QTMAN: variants seen among roughly 807,000 people sequenced by gnomAD.
QTMAN encodes the protein queuosine-tRNA mannosyltransferase.
the QTMAN span, among the ~76,000 whole-genome samples, chr2:144,078,401 G>C: frequency 2.6e-5 from 4 of 152,196 alleles, no homozygotes; most frequent in African/African-American, 7.2e-5. Flanking sequence ...GTTACAAAGG[G>C]AGAGACACAC....
At chr2:144,059,477 TTAAA>T in the QTMAN span, among the ~76,000 whole-genome samples, 1 of 152,168 alleles carries the variant, frequency 6.6e-6, no homozygotes, top group South Asian at 2.1e-4. Flanking sequence ...TAAATATCTG[TTAAA>T]TAAAGGATGA....
chr2:144,284,293 T>G, the QTMAN span, among the ~76,000 whole-genome samples: 6 of 152,182 alleles, frequency 3.9e-5, no homozygotes, highest in African/African-American at 1.4e-4. Flanking sequence ...AATATTCATG[T>G]GCAAATATAT....
the QTMAN span, among the ~76,000 whole-genome samples, chr2:144,120,747 T>C: frequency 6.6e-6 from 1 of 152,150 alleles, no homozygotes; most frequent in African/African-American, 2.4e-5. Context: ...GGAGGAGAGT[T>C]TGAAACTTCT....
chr2:144,133,384 T>TA, the QTMAN span, among the ~76,000 whole-genome samples: 1 of 39,024 alleles, frequency 2.6e-5, no homozygotes, highest in Non-Finnish European at 5.1e-5. Context: ...AATAATAATA[T>TA]AATATATATT....
At chr2:144,169,158 T>C in the QTMAN span, among the ~76,000 whole-genome samples, 1 of 152,274 alleles carries the variant, frequency 6.6e-6, no homozygotes, top group East Asian at 1.9e-4. Context: ...CTGAGAGATT[T>C]AGAAAATCCT....
chr2:144,133,155 T>TATATATGA, the QTMAN span, among the ~76,000 whole-genome samples: 1 of 42,384 alleles, frequency 2.4e-5, no homozygotes, highest in African/African-American at 1.4e-4. Flanking sequence ...ATATATAATA[T>TATATATGA]AATATAATAT....
the QTMAN span, among the ~76,000 whole-genome samples, chr2:144,147,947 C>T: frequency 1.3e-5 from 2 of 151,486 alleles, no homozygotes; most frequent in Admixed American, 1.3e-4. Context: ...TGCTGGATCT[C>T]CAAAAATGTC....
At chr2:144,218,819 G>A in the QTMAN span, among the ~76,000 whole-genome samples, 1 of 150,454 alleles carries the variant, frequency 6.6e-6, no homozygotes, top group Non-Finnish European at 1.5e-5. Flanking sequence ...CTGAGTATAA[G>A]GTACTGGATT....
chr2:144,297,449 ATAAG>A, the QTMAN span, among the ~76,000 whole-genome samples: 2 of 152,076 alleles, frequency 1.3e-5, no homozygotes, highest in African/African-American at 2.4e-5. Context: ...CTGGTCCCTC[ATAAG>A]TAAGAGAAAA....
At chr2:144,288,120 C>T in the QTMAN span, among the ~76,000 whole-genome samples, 3 of 152,078 alleles carry the variant, frequency 2.0e-5, no homozygotes, top group Non-Finnish European at 2.9e-5. Flanking sequence ...CTGCCCACCT[C>T]GGCCTCCCAA....
At chr2:144,045,190 G>A in the QTMAN span, among the ~76,000 whole-genome samples, 28 of 152,240 alleles carry the variant, frequency 1.8e-4, no homozygotes, top group Non-Finnish European at 2.9e-5. Context: ...GGAGATGGGA[G>A]AAGTTGAATT....
chr2:144,023,318 G>A, the QTMAN span, among the ~76,000 whole-genome samples: 15,068 of 151,696 alleles, frequency 0.099, 1,114 homozygotes, highest in East Asian at 0.25. Context: ...GAAAAAAAAA[G>A]AAAAGAAAAG....
chr2:143,981,116 T>C, the QTMAN span, among the ~76,000 whole-genome samples: 1 of 152,260 alleles, frequency 6.6e-6, no homozygotes, highest in South Asian at 2.1e-4. Flanking sequence ...TACTGATGAT[T>C]TCATGAATGT....
At chr2:144,210,493 G>C in the QTMAN span, among the ~76,000 whole-genome samples, 1 of 152,144 alleles carries the variant, frequency 6.6e-6, no homozygotes, top group Non-Finnish European at 1.5e-5. Context: ...ATACATATGT[G>C]TTTGAAATTG....
the QTMAN span, among the ~76,000 whole-genome samples, chr2:144,244,000 G>T: frequency 1.3e-5 from 2 of 152,176 alleles, no homozygotes; most frequent in Non-Finnish European, 2.9e-5. Flanking sequence ...GTTGTAAAGG[G>T]TGATCAAACA....
chr2:144,092,126 G>A, the QTMAN span, among the ~76,000 whole-genome samples: 2 of 152,010 alleles, frequency 1.3e-5, no homozygotes, highest in Admixed American at 6.6e-5. Flanking sequence ...CTTGTCTGTG[G>A]TGATGGTTAC....
the QTMAN span, among the ~76,000 whole-genome samples, chr2:144,039,726 T>C: frequency 2.6e-5 from 4 of 152,246 alleles, no homozygotes; most frequent in Middle Eastern, 3.4e-3. Context: ...TATTTTTAAG[T>C]AGAGGTTTAC....
At chr2:144,222,963 A>C in the QTMAN span, among the ~76,000 whole-genome samples, 2 of 152,232 alleles carry the variant, frequency 1.3e-5, no homozygotes, top group Non-Finnish European at 2.9e-5. Flanking sequence ...GATTTGTCCT[A>C]TATTTATATA....
the QTMAN span, among the ~76,000 whole-genome samples, chr2:144,076,394 G>A: frequency 6.6e-6 from 1 of 152,176 alleles, no homozygotes; most frequent in Non-Finnish European, 1.5e-5. Context: ...AAACTGAAGG[G>A]ATTTTTAAAT....
Sources: gnomAD v4.1 joint callset for allele counts (sites outside exome capture counted in the v4.1 genomes callset) on GRCh38, gnomAD v4.1.1 for gene constraint, MANE v1.5 for transcripts, NCBI Gene and HGNC (gene_info 2026-07-23, HGNC 2026-07-21) for gene names.